The following BACH1 variants were observed in gnomAD, a reference collection of about 807,000 sequenced individuals.
The protein encoded by BACH1 is BTB domain and CNC homolog 1.
A neutral mutation model predicts 52.9 loss-of-function variants in BACH1; 35 were observed. The observed-to-expected ratio is 0.66, with a 90% CI of 0.51 to 0.88. The LOEUF is 0.88. Among genes scored for constraint, BACH1 ranks in the 40% least tolerant of loss-of-function variants. The pLI is 0.00. For synonymous variants in BACH1, 321 were observed against 319.6 expected (o/e 1.00, Z -0.05); for missense variants, 808 against 872.6 (o/e 0.93, Z 0.93).
Position 29,326,470 on chromosome 21 carries a change from G to T in BACH1, c.646G>T (p.Ala216Ser). ...TYESMCLEKDAALALPSLCPK... is the reference protein window; with the variant it reads ...TYESMCLEKDSALALPSLCPK... Reference sequence around the variant, plus strand: ...TGAGTCCATGTGCTTAGAGAAGGATGCTGCTCTGGCCTTGCCTTCTTTATG... The same window carrying T: ...TGAGTCCATGTGCTTAGAGAAGGATTCTGCTCTGGCCTTGCCTTCTTTATG... Residue 216 changes from alanine to serine, a missense_variant, in exon 3 of 5, where the codon GCT becomes TCT. Transcript: ENST00000286800. 1 of 1,614,210 alleles carries T rather than the reference G, an allele frequency of 6.2e-7. No homozygotes were observed. Among genetic ancestry groups the T allele is most frequent in the Non-Finnish European group, 8.5e-7 (1 of 1,180,026 alleles).
chr21:29,356,279 T>C (rs543751652), intron 2 of BACH1, among the ~76,000 whole-genome samples: 1 of 152,352 alleles, frequency 6.6e-6, no homozygotes, highest in Admixed American at 6.5e-5. Context: ...CACTGTTAAC[T>C]TTTAGCAAAC....
In BACH1 at chr21:29,326,768, T is replaced by C. The variant is rs754856199; in HGVS notation, c.944T>C (p.Ile315Thr). Residue 315 changes from isoleucine (I) to threonine (T), a missense_variant, in exon 3 of 5, where the codon ATA (isoleucine) becomes ACA (threonine). Coordinates refer to ENST00000286800, the MANE Select transcript of BACH1 (RefSeq NM_001186.4). Reference protein sequence around the residue: ...EVTPFPHNSSIDPHGLYSLSL... With the variant: ...EVTPFPHNSSTDPHGLYSLSL... ...ACTCCTTTCCCCCACAATTCTTCCA[T>C]AGACCCTCATGGACTTTATTCTTTG... 4 of 1,613,930 alleles carry C rather than the reference T, an allele frequency of 2.5e-6. No homozygotes were observed. The highest frequency in any genetic ancestry group is 3.3e-5 in the Admixed American group (2 of 60,010).
chr21:29,341,385 C>T (rs559617778), intron 4 of BACH1, among the ~76,000 whole-genome samples: 1 of 152,266 alleles, frequency 6.6e-6, no homozygotes, highest in Non-Finnish European at 1.5e-5. Flanking sequence ...GTTTGACTTT[C>T]TAGCAAGTGT....
chr21:29,354,654 C>T (rs757334684), intron 2 of BACH1, among the ~76,000 whole-genome samples: 17 of 152,134 alleles, frequency 1.1e-4, no homozygotes, highest in Admixed American at 5.9e-4. Context: ...CTGTTCAATG[C>T]GATGGTGAAC....
chr21:29,335,855 C>A (rs1371605399), intron 4 of BACH1, among the ~76,000 whole-genome samples: 1 of 152,178 alleles, frequency 6.6e-6, no homozygotes, highest in Non-Finnish European at 1.5e-5. Flanking sequence ...TGCTGGCTGT[C>A]ATTCCTCACT....
At chr21:29,360,855 A>AC (rs1240931759) in intron 2 of BACH1, among the ~76,000 whole-genome samples, 2 of 151,306 alleles carry the variant, frequency 1.3e-5, no homozygotes, top group African/African-American at 4.9e-5. Context: ...CAAAAAAAAA[A>AC]AAAAAACAAA....
downstream of BACH1, among the ~76,000 whole-genome samples, chr21:29,347,220 T>C (rs185529668): frequency 3.3e-5 from 5 of 152,318 alleles, no homozygotes; most frequent in East Asian, 7.7e-4. Flanking sequence ...TCTAGCTGTT[T>C]AGCCCAGTGA....
intron 1 of BACH1, among the ~76,000 whole-genome samples, chr21:29,311,454 A>G (rs1601342028): frequency 6.6e-6 from 1 of 150,866 alleles, no homozygotes; most frequent in East Asian, 2.0e-4. Flanking sequence ...ACAGAGAACA[A>G]CCTTATCTGC....
chr21:29,347,930 A>G (rs952935192), downstream of BACH1, among the ~76,000 whole-genome samples: 3 of 152,228 alleles, frequency 2.0e-5, no homozygotes, highest in African/African-American at 7.2e-5. Flanking sequence ...CTAGCAACAT[A>G]ATGATATCCA....
downstream of BACH1, among the ~76,000 whole-genome samples, chr21:29,348,904 C>T (rs563605112): frequency 1.2e-4 from 18 of 152,156 alleles, no homozygotes; most frequent in South Asian, 1.9e-3. Flanking sequence ...ACCATCCTGG[C>T]TAACACGATG....
chr21:29,325,914 AAT>A (rs2088904992), intron 2 of BACH1, 143 bp from the exon 3 acceptor site: 1 of 896,280 alleles, frequency 1.1e-6, no homozygotes, highest in South Asian at 2.6e-5. Flanking sequence ...TTCTTAGAAG[AAT>A]ATGTTTTCTT....
intron 2 of BACH1, among the ~76,000 whole-genome samples, chr21:29,356,092 T>G (rs1394952986): frequency 6.6e-6 from 1 of 152,168 alleles, no homozygotes; most frequent in East Asian, 1.9e-4. Flanking sequence ...TGAGAGTGTG[T>G]GGTAGTAGGA....
In BACH1 at chr21:29,342,673, C is replaced by A; in HGVS notation, c.2051C>A (p.Ala684Asp). 6.2e-7 allele frequency: 1 copy of A among 1,614,180 alleles called. No individual in the cohort carries two copies. The highest frequency in any genetic ancestry group is 8.5e-7 in the Non-Finnish European group (1 of 1,180,046). The stretch of plus-strand genomic sequence containing the variant: ...CCTCCAGCAGTGCTGCCTCCCTGTG[C>A]CAGAGGAAACAGTGAGCCTGGCTAC... ...DRPPAVLPPC[A>D]RGNSEPGYAR... Residue 684 changes from alanine (A) to aspartate (D), a missense_variant, in exon 5 of 5, where the codon GCC (alanine) becomes GAC (aspartate). Physicochemically the swap from Ala to Asp is moderately radical, Grantham distance 126 (BLOSUM62 -2). Coordinates refer to ENST00000286800, the MANE Select transcript of BACH1 (RefSeq NM_001186.4).
At chr21:29,304,129 CTTT>C (rs398040580) in intron 1 of BACH1, among the ~76,000 whole-genome samples, 3 of 136,904 alleles carry the variant, frequency 2.2e-5, no homozygotes, top group Admixed American at 7.2e-5. Context: ...TTTTTTTTTT[CTTT>C]TTTTTTTTTT....
At chr21:29,321,574 A>T (rs1788566421) in intron 2 of BACH1, 60 bp downstream of exon 2, 3 of 1,469,482 alleles carry the variant, frequency 2.0e-6, no homozygotes, top group Non-Finnish European at 2.8e-6. Flanking sequence ...TTTATGGTTC[A>T]TAATGTTGAA....
rs372883 is a variant in BACH1, at chr21:29,345,416, T to C, written c.*2583T>C. ...ATATTGCATATTCACATGATCATTG[T>C]TCACTATTTTATGAACTGGCCTTCT... On this transcript the variant is annotated 3_prime_UTR_variant, in exon 5 of 5. Transcript: ENST00000286800. The C allele has an allele frequency of 0.53, 79,875 of 152,020 alleles. 21,413 individuals are homozygous for C. The highest frequency in any genetic ancestry group is 0.63 in the South Asian group (3,036 of 4,824). The allele number at this position is 152,020 out of a possible 1,614,324, so 9.4% of individuals were successfully genotyped here.
chr21:29,316,907 T>C (rs2088793765), intron 1 of BACH1, among the ~76,000 whole-genome samples: 1 of 152,208 alleles, frequency 6.6e-6, no homozygotes, highest in Admixed American at 6.5e-5. Flanking sequence ...TTTCTCTGAA[T>C]GCTTGGCTCA....
At chr21:29,355,049 A>C (rs2089225267) in intron 2 of BACH1, among the ~76,000 whole-genome samples, 1 of 152,242 alleles carries the variant, frequency 6.6e-6, no homozygotes, top group South Asian at 2.1e-4. Flanking sequence ...CTTCCACAGC[A>C]TGGAAGGGGA....
intron 1 of BACH1, among the ~76,000 whole-genome samples, chr21:29,318,149 T>G (rs1218973447): frequency 6.6e-6 from 1 of 152,232 alleles, no homozygotes; most frequent in Admixed American, 6.5e-5. Flanking sequence ...TAAATATTGA[T>G]ATGTGAAACT....
Sources: gnomAD v4.1 joint callset for allele counts (sites outside exome capture counted in the v4.1 genomes callset) on GRCh38, gnomAD v4.1.1 for gene constraint, MANE v1.5 for transcripts, NCBI Gene and HGNC (gene_info 2026-07-23, HGNC 2026-07-21) for gene names.